Variants in DYNC2H1 observed in about 807,000 individuals in gnomAD.
The protein encoded by DYNC2H1 is cytoplasmic dynein 2 heavy chain 1.
DYNC2H1 carries 410 observed loss-of-function variants against 570.0 expected under a neutral mutation model. The ratio of observed to expected loss-of-function variants is 0.72; its 90% CI spans 0.66 to 0.78. The LOEUF is 0.78. Ranked by LOEUF, DYNC2H1 falls within the 30% of genes least tolerant of loss-of-function variation. The pLI, the probability that DYNC2H1 is intolerant of heterozygous loss-of-function variation, is 0.00. For synonymous variants in DYNC2H1, 1,688 were observed against 1,677.6 expected (o/e 1.01, Z -0.15); for missense variants, 4,865 against 5,046.4 (o/e 0.96, Z 1.09).
At chr11:103,141,721 A>G (rs1420517047) in intron 17 of DYNC2H1, among the ~76,000 whole-genome samples, 4 of 152,216 alleles carry the variant, frequency 2.6e-5, no homozygotes, top group South Asian at 2.1e-4. Flanking sequence ...GCATGCTGGG[A>G]GAACTATTGC....
intron 15 of DYNC2H1, 81 bp downstream of exon 15, chr11:103,134,500 AG>A: frequency 2.9e-6 from 3 of 1,038,888 alleles, no homozygotes; most frequent in Non-Finnish European, 4.0e-6. Context: ...ATTGCCGAGA[AG>A]TTCATAAAAG....
chr11:103,176,413 T>G lies in DYNC2H1; in HGVS notation c.5853T>G (p.Asn1951Lys). ...AALKQVFEEANYEIIPNQIKK... is the reference protein window; with the variant it reads ...AALKQVFEEAKYEIIPNQIKK... Reference sequence around the variant, plus strand: ...TAAAGCAGGTCTTTGAAGAGGCCAATTATGAAATTATACCCAATCAGGTAA... The same window carrying G: ...TAAAGCAGGTCTTTGAAGAGGCCAAGTATGAAATTATACCCAATCAGGTAA... Residue 1951 changes from asparagine (N) to lysine (K), a missense_variant, in exon 37 of 89, where the codon AAT becomes AAG. This residue lies in a region of DYNC2H1 where 292 missense variants were observed against 300.2 expected (regional missense o/e 0.97). Coordinates refer to ENST00000375735, the MANE Select transcript of DYNC2H1 (RefSeq NM_001377.3). 1 of 1,545,578 alleles carries G rather than the reference T, an allele frequency of 6.5e-7. No individual in the cohort carries two copies. Among genetic ancestry groups the G allele is most frequent in the South Asian group, 1.3e-5 (1 of 76,524 alleles).
chr11:103,340,205 C>T (rs746884593), intron 82 of DYNC2H1, among the ~76,000 whole-genome samples: 16 of 152,124 alleles, frequency 1.1e-4, no homozygotes, highest in Admixed American at 2.0e-4. Flanking sequence ...GGTGTTCCTG[C>T]ATGGGGGATG....
intron 12 of DYNC2H1, among the ~76,000 whole-genome samples, chr11:103,128,267 A>G (rs1222991200): frequency 1.3e-5 from 2 of 152,168 alleles, no homozygotes; most frequent in African/African-American, 2.4e-5. Context: ...GGTGTGATAT[A>G]TGTTTAAAGA....
chr11:103,282,046 A>G (rs1324623021), intron 71 of DYNC2H1, 133 bp from the exon 72 acceptor site: 3 of 638,044 alleles, frequency 4.7e-6, no homozygotes, highest in Admixed American at 6.1e-5. Flanking sequence ...AACATACTAG[A>G]AGAAGTGGTA....
At chr11:103,167,977 C>T (rs1861400611) in intron 31 of DYNC2H1, among the ~76,000 whole-genome samples, 1 of 152,154 alleles carries the variant, frequency 6.6e-6, no homozygotes, top group Non-Finnish European at 1.5e-5. Context: ...GGAATGAGTC[C>T]AGGAGTTCCT....
rs1166180882 is a variant in DYNC2H1, at chr11:103,177,261, T to C, written c.5875-295T>C. 2.6e-5 allele frequency among the ~76,000 whole-genome samples: 4 copies of C among 152,078 alleles called. No individual in the cohort carries two copies. Among genetic ancestry groups the C allele is most frequent in the Non-Finnish European group, 5.9e-5 (4 of 68,024 alleles). On this transcript the variant is annotated intron_variant, in intron 37 of 88. Coordinates refer to ENST00000375735, the MANE Select transcript of DYNC2H1 (RefSeq NM_001377.3). This position sits in a 1 kb window ranked among gnomAD's most constrained non-coding sequence, Gnocchi z 4.4. The stretch of plus-strand genomic sequence containing the variant: ...TAAGTGAATAAAATAATGAATATAT[T>C]TGAATGAGTGAATGAGTGGAGCAAG...
Position 103,159,025 on chromosome 11 carries a change from C to A in DYNC2H1, c.4376C>A (p.Ala1459Asp). 6.2e-7 allele frequency: 1 copy of A among 1,607,724 alleles called. No homozygotes were observed. Among genetic ancestry groups the A allele is most frequent in the Non-Finnish European group, 8.5e-7 (1 of 1,176,086 alleles). The change falls in exon 28 of 89, where the codon GCT (alanine) becomes GAT (aspartate). Residue 1459 changes from alanine (A) to aspartate (D), a missense_variant and splice_region_variant. Physicochemically the swap from Ala to Asp is moderately radical, Grantham distance 126. Transcript: ENST00000375735. ...CAGTCTCACCTGAAGAAGCTTTTTG[C>A]TGGTAGGATTCAACATTTATTTAAC... ...VIQSHLKKLF[A>D]GINSVCFDEK...
In DYNC2H1 at chr11:103,133,467, G is replaced by A. The variant is rs901591689; in HGVS notation, c.1954-88G>A. On this transcript the variant is annotated intron_variant, in intron 13 of 88. Transcript: ENST00000375735. The surrounding 1 kb of genome is among the most constrained non-coding windows in gnomAD (Gnocchi z 4.8). The stretch of plus-strand genomic sequence containing the variant: ...CTTTCTTTGTTGCAGGTCAGAGTTG[G>A]GGATAGTTGAACTTTTGATATAGAA... 2.5e-5 allele frequency: 31 copies of A among 1,260,824 alleles called. No individual in the cohort carries two copies. Among genetic ancestry groups the A allele is most frequent in the Middle Eastern group, 3.9e-4 (2 of 5,144 alleles). The allele number at this position is 1,260,824 out of a possible 1,614,324, so 78.1% of individuals were successfully genotyped here. A position where few individuals can be genotyped will look rare whatever the true frequency, so the allele number is the denominator to read the frequency against.
intron 18 of DYNC2H1, 44 bp from the exon 19 acceptor site, chr11:103,147,728 A>T: frequency 8.4e-7 from 1 of 1,196,934 alleles, no homozygotes; most frequent in Non-Finnish European, 1.2e-6. Flanking sequence ...TTTTCCTCTA[A>T]TTAGTCTTTT....
chr11:103,284,073 A>T (rs1866251701), intron 73 of DYNC2H1, among the ~76,000 whole-genome samples: 1 of 152,042 alleles, frequency 6.6e-6, no homozygotes, highest in Admixed American at 6.6e-5. Flanking sequence ...TCCATATCTG[A>T]TTACCCTTGA....
At chr11:103,349,344 G>A (rs926046674) in intron 82 of DYNC2H1, among the ~76,000 whole-genome samples, 8 of 152,080 alleles carry the variant, frequency 5.3e-5, no homozygotes, top group African/African-American at 1.2e-4. Context: ...CATGTATTTC[G>A]TTGTGTATAT....
At chr11:103,202,659 A>T (rs572064426) in intron 50 of DYNC2H1, among the ~76,000 whole-genome samples, 1 of 152,212 alleles carries the variant, frequency 6.6e-6, no homozygotes, top group South Asian at 2.1e-4. Flanking sequence ...GTTGAACCTA[A>T]AGAAAAGTAG....
At chr11:103,444,386 C>A (rs1944362302) in intron 85 of DYNC2H1, among the ~76,000 whole-genome samples, 1 of 151,884 alleles carries the variant, frequency 6.6e-6, no homozygotes. Flanking sequence ...AAATGTCATG[C>A]CTTGTTGACA....
In DYNC2H1 at chr11:103,133,596, G is replaced by C; in HGVS notation, c.1995G>C (p.Trp665Cys). Residue 665 changes from tryptophan (W) to cysteine (C), a missense_variant, in exon 14 of 89, where the codon TGG (tryptophan) becomes TGC (cysteine). Around this residue, in one of 5 missense-constraint regions of DYNC2H1, gnomAD observed 1,936 missense variants for 1,962.1 expected, o/e 0.99. Coordinates refer to ENST00000375735, the MANE Select transcript of DYNC2H1 (RefSeq NM_001377.3). The surrounding 1 kb of genome is among the most constrained non-coding windows in gnomAD (Gnocchi z 4.8). Reference protein sequence around the residue: ...AGSGGKSQITWDNPKELEGYI... With the variant: ...AGSGGKSQITCDNPKELEGYI... ...GTGGAGGGAAATCACAGATAACTTG[G>C]GATAATCCTAAAGAATTAGAAGGCT... 6.2e-7 allele frequency: 1 copy of C among 1,610,892 alleles called. No individual in the cohort carries two copies. Among genetic ancestry groups the C allele is most frequent in the South Asian group, 1.1e-5 (1 of 89,758 alleles).
At position 103,257,693 on chromosome 11, in the gene DYNC2H1, A is replaced by G. The variant is rs1294034345; in HGVS notation, c.10547A>G (p.Tyr3516Cys). 1.2e-6 allele frequency: 2 copies of G among 1,611,978 alleles called. No homozygotes were observed. The highest frequency in any genetic ancestry group is 2.2e-5 in the East Asian group (1 of 44,788). Residue 3516 changes from tyrosine (Y) to cysteine (C), a missense_variant, in exon 69 of 89, where the codon TAC (tyrosine) becomes TGC (cysteine). Physicochemically the swap from Tyr to Cys is radical, Grantham distance 194 (BLOSUM62 -2). Transcript: ENST00000375735. ...ISDLSKINNM[Y>C]RFSLAAFLRL... is the part of the protein sequence containing the mutation. ...GATTTGTCCAAAATTAATAACATGT[A>G]CCGTTTTAGTTTGGCTGCTTTTCTC...
rs151056947 is a variant in DYNC2H1 at position 103,257,625 on chromosome 11, C to G, written c.10479C>G (p.Leu3493=). 3,637 of 1,611,358 alleles carry G rather than the reference C, an allele frequency of 2.3e-3. 81 individuals carry two copies. The African/African-American group carries it at 0.043, about 19-fold the overall frequency. Residue 3493 remains leucine, a synonymous_variant, in exon 69 of 89, where the codon CTC becomes CTG. Coordinates refer to ENST00000375735, the MANE Select transcript of DYNC2H1 (RefSeq NM_001377.3). The stretch of plus-strand genomic sequence containing the variant: ...ATCCATAGGAACGGGATGCCTATCT[C>G]CCCCTGGCTGAGAGTGCCAGCAAGA... The part of the protein sequence containing the change: ...ISLDQERDAY[L]PLAESASKMY...
intron 82 of DYNC2H1, among the ~76,000 whole-genome samples, chr11:103,353,779 A>G (rs1940170236): frequency 6.6e-6 from 1 of 152,176 alleles, no homozygotes; most frequent in South Asian, 2.1e-4. Context: ...ATTAACATAT[A>G]AACATATTTT....
chr11:103,143,296 T>C lies in DYNC2H1; in HGVS notation c.2603T>C (p.Met868Thr), dbSNP rs757659390. 10 of 1,613,436 alleles carry C rather than the reference T, an allele frequency of 6.2e-6. No individual in the cohort carries two copies. The highest frequency in any genetic ancestry group is 1.7e-4 in the Middle Eastern group (1 of 6,054). ...KEWIVIGQVDMEALVEKHLFT... is the reference protein window; with the variant it reads ...KEWIVIGQVDTEALVEKHLFT... ...TGGATTGTAATTGGGCAAGTTGATA[T>C]GGAAGCTCTGGTGGAAAAGCATCTT... The change falls in exon 18 of 89, where the codon ATG (methionine) becomes ACG (threonine). Residue 868 changes from methionine to threonine, a missense_variant. Met to Thr is a moderately conservative substitution (Grantham distance 81). Coordinates refer to ENST00000375735, the MANE Select transcript of DYNC2H1 (RefSeq NM_001377.3).
Sources: allele counts gnomAD v4.1 joint callset (sites outside exome capture counted in the v4.1 genomes callset), GRCh38; gene constraint gnomAD v4.1.1; regional missense constraint gnomAD v4.1.1; non-coding constraint Gnocchi (gnomAD v3.1); transcripts MANE v1.5; gene names NCBI Gene and HGNC (gene_info 2026-07-23, HGNC 2026-07-21).